Variants in RP2 observed in about 807,000 individuals in gnomAD.
RP2 encodes the protein RP2 activator of ARL3 GTPase.
Under a neutral mutation model 20.3 loss-of-function variants are expected in RP2, and 3 were observed. The observed-to-expected ratio is 0.15, with a 90% CI of 0.07 to 0.38. The LOEUF is 0.38. RP2 is among the 10% of genes least tolerant of loss of function. The probability of loss-of-function intolerance (pLI) is 1.00; values close to 1 mark genes in which losing one functional copy is unlikely to be tolerated. For missense variants in RP2, 233 were observed against 268.5 expected, an observed-to-expected ratio of 0.87 and a Z score of 0.92; for synonymous variants, 75 against 94.8, an observed-to-expected ratio of 0.79 and a Z score of 1.22.
intron 3 of RP2, among the ~76,000 whole-genome samples, chrX:46,864,347 C>CTTTTT (rs782091799): frequency 1.0e-5 from 1 of 95,253 alleles, no homozygotes; most frequent in African/African-American, 3.9e-5. Flanking sequence ...TCCTTCCTTT[C>CTTTTT]TTTTTTTTTT....
chrX:46,848,849 C>T (rs1463401631), intron 1 of RP2, among the ~76,000 whole-genome samples: 3 of 107,978 alleles, frequency 2.8e-5, no homozygotes, highest in Non-Finnish European at 5.8e-5. Context: ...GACAACATGG[C>T]GAAACCCCAT....
intron 4 of RP2, among the ~76,000 whole-genome samples, 178 bp downstream of exon 4, chrX:46,877,768 A>T (rs1390447378): frequency 9.3e-6 from 1 of 107,278 alleles, no homozygotes; most frequent in Non-Finnish European, 1.9e-5. Context: ...ACCTTTGATA[A>T]ATAATTGGGA....
At chrX:46,878,376 CAAAA>C (rs1327301086) in intron 4 of RP2, among the ~76,000 whole-genome samples, 1 of 43,386 alleles carries the variant, frequency 2.3e-5, no homozygotes. Flanking sequence ...GACTCTGTCT[CAAAA>C]AAAAAAAAAA....
At position 46,882,211 on chromosome X, in the gene RP2, G is replaced by A. The variant is rs1283434159; in HGVS notation, c.*2442G>A. ...AATTGGTAATTTTATTAAGTTATAT[G>A]TGTTTAAATATTATATTAGCTTATT... On this transcript the variant is annotated 3_prime_UTR_variant, in exon 5 of 5. Coordinates refer to ENST00000218340, the MANE Select transcript of RP2 (RefSeq NM_006915.3). 5 of 112,280 alleles carry A rather than the reference G, an allele frequency of 4.5e-5. No individual in the cohort carries two copies. The highest frequency in any genetic ancestry group is 1.6e-4 in the African/African-American group (5 of 30,928). The allele number at this position is 112,280 out of a possible 1,213,427, so 9.3% of individuals were successfully genotyped here. A position where few individuals can be genotyped will look rare whatever the true frequency, so the allele number is the denominator to read the frequency against.
Position 46,854,044 on chromosome X carries a change from C to T in RP2, c.671C>T (p.Ser224Phe), listed in dbSNP as rs782469053. 10 of 1,209,899 alleles carry T rather than the reference C, an allele frequency of 8.3e-6. No homozygotes were observed. The highest frequency in any genetic ancestry group is 1.0e-5 in the Non-Finnish European group (9 of 895,084). Residue 224 changes from serine to phenylalanine, a missense_variant, in exon 2 of 5, where the codon TCC becomes TTC. Around this residue, in one of 3 missense-constraint regions of RP2, gnomAD observed 118 missense variants for 123.8 expected, o/e 0.95. Transcript: ENST00000218340. ...TEANRSIVPI[S>F]RGQRQKSSDE... Reference sequence around the variant, plus strand: ...GCCAATAGAAGCATTGTTCCAATATCCCGGGGTCAGAGACAGAAGAGCAGC... The same window carrying T: ...GCCAATAGAAGCATTGTTCCAATATTCCGGGGTCAGAGACAGAAGAGCAGC...
intron 1 of RP2, among the ~76,000 whole-genome samples, chrX:46,842,857 A>G (rs1404046250): frequency 9.0e-6 from 1 of 111,263 alleles, no homozygotes; most frequent in African/African-American, 3.3e-5. Flanking sequence ...CAGCTGATGG[A>G]CATTTGGGTT....
intron 4 of RP2, among the ~76,000 whole-genome samples, chrX:46,878,132 T>C (rs1436977937): frequency 9.1e-6 from 1 of 109,904 alleles, no homozygotes; most frequent in Non-Finnish European, 1.9e-5. Context: ...CCCAGCACTT[T>C]GGGAGGCCGA....
In RP2 at chrX:46,837,068, T is replaced by G; in HGVS notation, c.-33T>G. 8.7e-7 allele frequency: 1 copy of G among 1,152,509 alleles called. No homozygotes were observed. Among genetic ancestry groups the G allele is most frequent in the Non-Finnish European group, 1.2e-6 (1 of 858,907 alleles). The allele number at this position is 1,152,509 out of a possible 1,213,427, so 95.0% of individuals were successfully genotyped here. On this transcript the variant is annotated 5_prime_UTR_variant, in exon 1 of 5. Transcript: ENST00000218340. ...ACACTCTAGGAAGTGCCTGAGCTAG[T>G]GAGCTGGCCAACGAGCTCCGCGGGC...
intron 1 of RP2, among the ~76,000 whole-genome samples, chrX:46,851,236 T>C: frequency 8.9e-6 from 1 of 112,079 alleles, no homozygotes; most frequent in East Asian, 2.8e-4. Flanking sequence ...TTGAAGTAGA[T>C]AAGAAAGTCA....
chrX:46,847,813 CATATATGTGTATATGTGT>C (rs1448243585), intron 1 of RP2, among the ~76,000 whole-genome samples: 1 of 89,473 alleles, frequency 1.1e-5, no homozygotes, highest in East Asian at 3.5e-4. Context: ...TATATACACA[CATATATGTGTATATGTGT>C]ATATATGTGT....
In RP2 at chrX:46,837,268, C is replaced by T. The variant is rs781903208; in HGVS notation, c.102+66C>T. The T allele has an allele frequency of 2.1e-5, 22 of 1,058,017 alleles. 1 individual carries two copies. In the South Asian group the frequency reaches 2.4e-4, roughly 11 times the overall value. 87.2% of individuals were successfully genotyped at this position (1,058,017 alleles called of 1,213,427 possible). A position where few individuals can be genotyped will look rare whatever the true frequency, so the allele number is the denominator to read the frequency against. On this transcript the variant is annotated intron_variant, in intron 1 of 4. Coordinates refer to ENST00000218340, the MANE Select transcript of RP2 (RefSeq NM_006915.3). Reference sequence around the variant, plus strand: ...CCGCTCCGCCAGGTCCCTTACGGCCCGGGACCGCTGAGGGGGCCGACCCAA... The same window carrying T: ...CCGCTCCGCCAGGTCCCTTACGGCCTGGGACCGCTGAGGGGGCCGACCCAA...
intron 1 of RP2, among the ~76,000 whole-genome samples, chrX:46,852,262 G>A (rs1924876034): frequency 9.0e-6 from 1 of 110,965 alleles, no homozygotes; most frequent in African/African-American, 3.3e-5. Flanking sequence ...GAGGAAGGGA[G>A]GGAGGGAGGA....
At chrX:46,847,692 ATG>A (rs201144730) in intron 1 of RP2, among the ~76,000 whole-genome samples, 1,274 of 95,980 alleles carry the variant, frequency 0.013, 31 homozygotes, top group African/African-American at 0.045. Context: ...CACTATATAT[ATG>A]TGTGTGTGTA....
intron 3 of RP2, among the ~76,000 whole-genome samples, chrX:46,869,272 A>T (rs1556324504): frequency 9.2e-6 from 1 of 108,497 alleles, no homozygotes; most frequent in Admixed American, 1.0e-4. Flanking sequence ...TAAAAATTTT[A>T]AAAGGAATTA....
intron 2 of RP2, among the ~76,000 whole-genome samples, chrX:46,856,722 G>A (rs1220551800): frequency 9.0e-6 from 1 of 111,635 alleles, no homozygotes; most frequent in Non-Finnish European, 1.9e-5. Flanking sequence ...GGTGGAGCAG[G>A]AATGTGACTG....
intron 1 of RP2, among the ~76,000 whole-genome samples, chrX:46,847,776 G>GTATATA (rs782798784): frequency 8.0e-5 from 6 of 74,620 alleles, no homozygotes; most frequent in Non-Finnish European, 1.2e-4. Flanking sequence ...ATGTGTGTGT[G>GTATATA]TACATACACA....
intron 2 of RP2, among the ~76,000 whole-genome samples, chrX:46,857,420 C>T (rs782399902): frequency 9.0e-5 from 10 of 111,129 alleles, no homozygotes; most frequent in South Asian, 7.5e-4. Context: ...ATTAGCCAGG[C>T]GTGGTGGTGG....
At chrX:46,875,863 G>A (rs1306634166) in intron 3 of RP2, among the ~76,000 whole-genome samples, 1 of 111,710 alleles carries the variant, frequency 9.0e-6, no homozygotes, top group Non-Finnish European at 1.9e-5. Context: ...ATACATGTTA[G>A]GTGCTATGTA....
intron 3 of RP2, among the ~76,000 whole-genome samples, chrX:46,869,119 A>G (rs1925235693): frequency 9.1e-6 from 1 of 109,349 alleles, no homozygotes; most frequent in Admixed American, 9.8e-5. Context: ...CAACAAAAAC[A>G]TCGATGTCAG....
Sources: gnomAD v4.1 joint callset for allele counts (sites outside exome capture counted in the v4.1 genomes callset) on GRCh38, gnomAD v4.1.1 for gene constraint, gnomAD v4.1.1 regional missense constraint, MANE v1.5 for transcripts, NCBI Gene and HGNC (gene_info 2026-07-23, HGNC 2026-07-21) for gene names.